DLC1: variants seen among roughly 807,000 people sequenced by gnomAD.
DLC1 encodes the protein rho GTPase-activating protein 7.
DLC1 carries 54 observed loss-of-function variants against 140.3 expected under a neutral mutation model. That is an observed-to-expected ratio of 0.38 (90% CI 0.31 to 0.48). The LOEUF (loss-of-function observed/expected upper bound fraction) is 0.48. DLC1 is among the 20% of genes least tolerant of loss of function. The probability of loss-of-function intolerance (pLI) is 0.96; values close to 1 mark genes in which losing one functional copy is unlikely to be tolerated. For synonymous variants in DLC1, 986 were observed against 728.1 expected (o/e 1.35, Z -5.70); for missense variants, 2,536 against 1,907.0 (o/e 1.33, Z -6.14).
At chr8:13,317,555 C>A (rs61094706) in intron 4 of DLC1, among the ~76,000 whole-genome samples, 11,477 of 151,978 alleles carry the variant, frequency 0.076, 497 homozygotes, top group South Asian at 0.097. Context: ...AAGATAGAGA[C>A]GAAATGGCTA....
intron 5 of DLC1, among the ~76,000 whole-genome samples, chr8:13,213,929 G>A (rs1268686496): frequency 2.0e-5 from 3 of 151,904 alleles, no homozygotes; most frequent in Non-Finnish European, 2.9e-5. Flanking sequence ...GATTACAGGC[G>A]ACTCCCACCA....
At chr8:13,178,221 A>G (rs145956648) in intron 5 of DLC1, among the ~76,000 whole-genome samples, 121 of 152,292 alleles carry the variant, frequency 7.9e-4, no homozygotes, top group African/African-American at 2.8e-3. Flanking sequence ...GGGATGGCCA[A>G]AGTCTTCATA....
At chr8:13,501,618 T>C (rs1336900273) in intron 1 of DLC1, among the ~76,000 whole-genome samples, 1 of 152,196 alleles carries the variant, frequency 6.6e-6, no homozygotes, top group African/African-American at 2.4e-5. Context: ...AGCACATGCC[T>C]GAGAGGTAAA....
At chr8:13,385,661 G>C (rs1836491190) in intron 4 of DLC1, among the ~76,000 whole-genome samples, 1 of 152,116 alleles carries the variant, frequency 6.6e-6, no homozygotes, top group Non-Finnish European at 1.5e-5. Flanking sequence ...TACTCATATG[G>C]TTGGCTTATA....
chr8:13,380,704 C>G (rs1223634071), intron 4 of DLC1, among the ~76,000 whole-genome samples: 2 of 152,172 alleles, frequency 1.3e-5, no homozygotes, highest in East Asian at 1.9e-4. Flanking sequence ...GGACACAGCT[C>G]CCTGTGATCG....
chr8:13,253,319 T>C (rs976812871), intron 5 of DLC1, among the ~76,000 whole-genome samples: 1 of 152,218 alleles, frequency 6.6e-6, no homozygotes, highest in Non-Finnish European at 1.5e-5. Flanking sequence ...TGTCAGAGAG[T>C]AACAATGCCT....
chr8:13,163,727 T>C (rs1367719172), intron 5 of DLC1, among the ~76,000 whole-genome samples: 4 of 152,034 alleles, frequency 2.6e-5, no homozygotes, highest in Non-Finnish European at 5.9e-5. Context: ...CCACCTGTAA[T>C]CCCAGCATTT....
intron 5 of DLC1, among the ~76,000 whole-genome samples, chr8:13,150,704 C>T (rs968949111): frequency 3.3e-5 from 5 of 152,196 alleles, no homozygotes; most frequent in African/African-American, 1.2e-4. Context: ...CTAAAGGACC[C>T]GTGCTTTTCA....
chr8:13,344,760 A>G (rs1023939803), intron 4 of DLC1, among the ~76,000 whole-genome samples: 8 of 152,212 alleles, frequency 5.3e-5, no homozygotes, highest in Non-Finnish European at 1.0e-4. Flanking sequence ...TGTGTGTAAC[A>G]ATATTTAGAT....
intron 2 of DLC1, among the ~76,000 whole-genome samples, chr8:13,490,408 A>G (rs1238876040): frequency 6.6e-6 from 1 of 152,200 alleles, no homozygotes; most frequent in African/African-American, 2.4e-5. Flanking sequence ...TTACGGTTAG[A>G]AAATTATCTG....
chr8:13,543,894 T>C (rs1803567976), intron 1 of DLC1, among the ~76,000 whole-genome samples: 1 of 152,162 alleles, frequency 6.6e-6, no homozygotes, highest in South Asian at 2.1e-4. Flanking sequence ...TTGGGTACAA[T>C]GTACACTACT....
At chr8:13,138,263 G>C (rs6987766) in intron 5 of DLC1, among the ~76,000 whole-genome samples, 77,722 of 152,054 alleles carry the variant, frequency 0.51, 20,037 homozygotes, top group Admixed American at 0.58. Flanking sequence ...TTAGGGCTTA[G>C]TGGCTTGTTG....
At chr8:13,101,281 G>A (rs1318049686) in intron 8 of DLC1, among the ~76,000 whole-genome samples, 2 of 152,132 alleles carry the variant, frequency 1.3e-5, no homozygotes, top group African/African-American at 2.4e-5. Flanking sequence ...ACCAAATGTT[G>A]CAAGTTAAAT....
chr8:13,442,150 T>G (rs1458788093), intron 2 of DLC1, among the ~76,000 whole-genome samples: 1 of 152,180 alleles, frequency 6.6e-6, no homozygotes, highest in Admixed American at 6.5e-5. Flanking sequence ...TGGCTAGCCT[T>G]ATGTAGAAAG....
intron 5 of DLC1, among the ~76,000 whole-genome samples, chr8:13,295,932 A>G (rs1052571701): frequency 6.8e-6 from 1 of 146,314 alleles, no homozygotes; most frequent in African/African-American, 2.5e-5. Context: ...ATGATCAGAT[A>G]AGATTCTTTG....
At chr8:13,266,061 A>G (rs116771735) in intron 5 of DLC1, among the ~76,000 whole-genome samples, 4,810 of 152,318 alleles carry the variant, frequency 0.032, 133 homozygotes, top group African/African-American at 0.072. Flanking sequence ...ATTTATACAC[A>G]TAATCACTGA....
At chr8:13,528,980 A>G (rs886619747) in intron 1 of DLC1, among the ~76,000 whole-genome samples, 3 of 152,204 alleles carry the variant, frequency 2.0e-5, no homozygotes, top group Non-Finnish European at 4.4e-5. Context: ...TCCTTAGCTT[A>G]TGTCTGAATA....
chr8:13,101,835 G>C (rs1211393782), intron 8 of DLC1, among the ~76,000 whole-genome samples: 1 of 152,178 alleles, frequency 6.6e-6, no homozygotes, highest in Non-Finnish European at 1.5e-5. Flanking sequence ...ACAGGACTCA[G>C]GGATAAGCTG....
intron 5 of DLC1, among the ~76,000 whole-genome samples, chr8:13,153,488 T>C (rs961697135): frequency 6.6e-6 from 1 of 152,220 alleles, no homozygotes; most frequent in Non-Finnish European, 1.5e-5. Flanking sequence ...TTCCACAGTG[T>C]GGAAAACGAC....
Sources: gnomAD v4.1 joint callset for allele counts (sites outside exome capture counted in the v4.1 genomes callset) on GRCh38, gnomAD v4.1.1 for gene constraint, MANE v1.5 for transcripts, NCBI Gene and HGNC (gene_info 2026-07-23, HGNC 2026-07-21) for gene names.